STX8: variants seen among roughly 807,000 people sequenced by gnomAD.
STX8 encodes syntaxin-8.
In STX8, 23 loss-of-function variants were observed where a neutral mutation model predicts 37.5. The ratio of observed to expected loss-of-function variants is 0.61; its 90% CI spans 0.44 to 0.87. STX8 has a LOEUF of 0.87. Among genes scored for constraint, STX8 ranks in the 40% least tolerant of loss-of-function variants. The pLI is 0.00. For synonymous variants in STX8, 115 were observed against 99.1 expected (o/e 1.16, Z -0.95); for missense variants, 313 against 284.7 (o/e 1.10, Z -0.71).
At chr17:9,533,364 A>G (rs1307639334) in intron 4 of STX8, among the ~76,000 whole-genome samples, 1 of 152,100 alleles carries the variant, frequency 6.6e-6, no homozygotes, top group Non-Finnish European at 1.5e-5. Context: ...GCTACTTGGG[A>G]GCTGAGGCAG....
Position 9,260,556 on chromosome 17 carries a change from G to A in STX8, c.644-9911C>T, listed in dbSNP as rs202076084. On this transcript the variant is annotated intron_variant, in intron 7 of 7. Coordinates refer to ENST00000306357, the MANE Select transcript of STX8 (RefSeq NM_004853.3). ...GGAAAATTGCTTCAACTCGGGAGGCGGAGGTTGCAGTGAGCCGAGATCGTG... is the reference window on the plus strand; with the variant it reads ...GGAAAATTGCTTCAACTCGGGAGGCAGAGGTTGCAGTGAGCCGAGATCGTG... Among the ~76,000 whole-genome samples, 25 of 152,090 alleles carry A rather than the reference G, an allele frequency of 1.6e-4. No homozygotes were observed. In the East Asian group the frequency reaches 3.5e-3, roughly 21 times the overall value.
intron 6 of STX8, among the ~76,000 whole-genome samples, chr17:9,379,805 C>T (rs539618443): frequency 7.2e-5 from 11 of 152,008 alleles, no homozygotes; most frequent in Non-Finnish European, 1.3e-4. Context: ...CCCGTCTCTA[C>T]CAAAAATACA....
chr17:9,395,465 C>T (rs1462318275), intron 6 of STX8, among the ~76,000 whole-genome samples: 1 of 152,100 alleles, frequency 6.6e-6, no homozygotes, highest in Non-Finnish European at 1.5e-5. Context: ...GTAATCCCAT[C>T]TACTTGGGAG....
At chr17:9,387,693 G>A (rs1465317822) in intron 6 of STX8, among the ~76,000 whole-genome samples, 1 of 152,148 alleles carries the variant, frequency 6.6e-6, no homozygotes, top group Non-Finnish European at 1.5e-5. Context: ...CTCTGAGCTT[G>A]GTACACTGTT....
chr17:9,293,765 C>CTT (rs541071064), intron 7 of STX8, among the ~76,000 whole-genome samples: 1 of 144,910 alleles, frequency 6.9e-6, no homozygotes, highest in Non-Finnish European at 1.5e-5. Flanking sequence ...ATTTATAGTA[C>CTT]TTTTTTTTTT....
chr17:9,568,323 C>T, intron 2 of STX8, 48 bp downstream of exon 2: 4 of 1,487,570 alleles, frequency 2.7e-6, no homozygotes, highest in Non-Finnish European at 3.7e-6. Context: ...GTTTTCAGGC[C>T]TCAAAACTCA....
chr17:9,304,464 G>A lies in STX8; in HGVS notation c.644-53819C>T, dbSNP rs529688940. 2.8e-5 allele frequency among the ~76,000 whole-genome samples: 4 copies of A among 143,240 alleles called. No individual in the cohort carries two copies. The South Asian group carries it at 8.8e-4, about 32-fold the overall frequency. The allele number at this position is 143,240 out of a possible 152,430, so 94.0% of individuals were successfully genotyped here. On this transcript the variant is annotated intron_variant, in intron 7 of 7. Transcript: ENST00000306357. ...TCTCTTGTTGCAGCGAACCAAGATC[G>A]TGCCATTGCACTCCAGCCTGGGCAA...
chr17:9,319,030 G>T (rs749532039), intron 7 of STX8, among the ~76,000 whole-genome samples: 1 of 152,080 alleles, frequency 6.6e-6, no homozygotes, highest in Admixed American at 6.6e-5. Flanking sequence ...AACAACCAAA[G>T]AAATAAATGA....
intron 7 of STX8, among the ~76,000 whole-genome samples, chr17:9,348,103 G>A (rs528111568): frequency 4.6e-5 from 7 of 152,050 alleles, no homozygotes; most frequent in Non-Finnish European, 1.0e-4. Context: ...TGTGACAGGT[G>A]GTATTTCTTT....
chr17:9,398,002 AAAG>A (rs1322955892), intron 6 of STX8, among the ~76,000 whole-genome samples: 4 of 86,774 alleles, frequency 4.6e-5, no homozygotes, highest in Non-Finnish European at 5.0e-5. Context: ...AAAAAAAAAG[AAAG>A]AAAGAACAAA....
At chr17:9,358,251 G>A (rs916975287) in intron 7 of STX8, among the ~76,000 whole-genome samples, 1 of 152,174 alleles carries the variant, frequency 6.6e-6, no homozygotes, top group African/African-American at 2.4e-5. Context: ...TTCAGCTACA[G>A]GGGACGAACT....
At chr17:9,510,981 T>G (rs1223712423) in intron 4 of STX8, among the ~76,000 whole-genome samples, 1 of 151,886 alleles carries the variant, frequency 6.6e-6, no homozygotes, top group Non-Finnish European at 1.5e-5. Flanking sequence ...TACAAACAAC[T>G]CTACACCAAT....
At chr17:9,565,131 C>G (rs1907402251) in intron 2 of STX8, among the ~76,000 whole-genome samples, 1 of 152,188 alleles carries the variant, frequency 6.6e-6, no homozygotes, top group African/African-American at 2.4e-5. Flanking sequence ...TCACTTGAAC[C>G]CGAGAGGCAG....
intron 4 of STX8, among the ~76,000 whole-genome samples, chr17:9,537,269 T>C (rs1236595283): frequency 1.3e-5 from 2 of 152,232 alleles, no homozygotes; most frequent in African/African-American, 4.8e-5. Flanking sequence ...ACAGAAAGAC[T>C]ACATCCCCCA....
At chr17:9,462,315 ACAAACT>A (rs1275786227) in intron 6 of STX8, among the ~76,000 whole-genome samples, 1 of 152,220 alleles carries the variant, frequency 6.6e-6, no homozygotes, top group Admixed American at 6.5e-5. Context: ...TCTAATGAAG[ACAAACT>A]CACTTTGTGG....
At chr17:9,316,117 C>G (rs1271131347) in intron 7 of STX8, among the ~76,000 whole-genome samples, 2 of 151,956 alleles carry the variant, frequency 1.3e-5, no homozygotes, top group Admixed American at 1.3e-4. Flanking sequence ...AGGACATGCT[C>G]AAAGGACACG....
intron 7 of STX8, among the ~76,000 whole-genome samples, chr17:9,374,856 G>T (rs112874193): frequency 6.6e-6 from 1 of 152,050 alleles, no homozygotes; most frequent in South Asian, 2.1e-4. Context: ...CTGAGGTCAG[G>T]AGTTTGAGAC....
chr17:9,356,970 T>TG lies in STX8; in HGVS notation c.643+21581_643+21582insC, dbSNP rs1397188082. Among the ~76,000 whole-genome samples the TG allele has an allele frequency of 2.1e-5, 3 of 145,600 alleles. 1 individual carries two copies. The Admixed American group carries it at 2.1e-4, about 10-fold the overall frequency. ...TCCATCCTTTTAACAGTTTTTTTTT[T>TG]TTTTTTTTTTTTTTTTAGGCAAAGT... On this transcript the variant is annotated intron_variant, in intron 7 of 7. Transcript: ENST00000306357.
intron 7 of STX8, among the ~76,000 whole-genome samples, chr17:9,255,283 T>A (rs894353921): frequency 1.4e-5 from 2 of 142,016 alleles, no homozygotes; most frequent in Non-Finnish European, 3.1e-5. Flanking sequence ...TCCCAGCACT[T>A]TGGGAGGCCA....
Sources: allele counts gnomAD v4.1 joint callset (sites outside exome capture counted in the v4.1 genomes callset), GRCh38; gene constraint gnomAD v4.1.1; transcripts MANE v1.5; gene names NCBI Gene and HGNC (gene_info 2026-07-23, HGNC 2026-07-21).